Variants in FUT9 observed in about 807,000 individuals in gnomAD.
FUT9 encodes fucosyltransferase 9.
Under a neutral mutation model 29.7 loss-of-function variants are expected in FUT9, and 15 were observed. The observed-to-expected ratio is 0.51, with a 90% CI of 0.34 to 0.78. FUT9 has a LOEUF of 0.78. FUT9 is among the 30% of genes least tolerant of loss of function. The probability of loss-of-function intolerance (pLI) is 0.01; values close to 1 mark genes in which losing one functional copy is unlikely to be tolerated. For synonymous variants in FUT9, 169 were observed against 153.7 expected (o/e 1.10, Z -0.74); for missense variants, 319 against 425.4 (o/e 0.75, Z 2.20).
At chr6:96,041,687 A>G (rs1386336392) in intron 1 of FUT9, among the ~76,000 whole-genome samples, 1 of 152,216 alleles carries the variant, frequency 6.6e-6, no homozygotes, top group Non-Finnish European at 1.5e-5. Flanking sequence ...TTCCAGCTCC[A>G]AAATTCTTTG....
chr6:96,199,158 GT>G (rs1249478054), intron 2 of FUT9, among the ~76,000 whole-genome samples: 3 of 152,144 alleles, frequency 2.0e-5, no homozygotes, highest in Non-Finnish European at 4.4e-5. Context: ...TGTGCTATAT[GT>G]TTATTGCTAT....
chr6:96,180,935 G>A (rs200941940), intron 2 of FUT9, among the ~76,000 whole-genome samples: 25 of 148,324 alleles, frequency 1.7e-4, no homozygotes, highest in South Asian at 2.1e-4. Context: ...TTAAGTAAAA[G>A]AAAAAAAAAA....
chr6:96,118,032 C>T (rs1035575487), intron 2 of FUT9, among the ~76,000 whole-genome samples: 3 of 151,846 alleles, frequency 2.0e-5, no homozygotes, highest in Non-Finnish European at 4.4e-5. Context: ...ACAATGAAAA[C>T]CCATCTCTAC....
chr6:96,017,837 A>T (rs1208394333), intron 1 of FUT9, among the ~76,000 whole-genome samples: 1 of 152,146 alleles, frequency 6.6e-6, no homozygotes, highest in Non-Finnish European at 1.5e-5. Context: ...ATGCTTCATC[A>T]CCTTAAAGGA....
At chr6:96,198,083 T>C (rs1414654745) in intron 2 of FUT9, among the ~76,000 whole-genome samples, 1 of 152,092 alleles carries the variant, frequency 6.6e-6, no homozygotes, top group East Asian at 1.9e-4. Flanking sequence ...CTTCCATTCT[T>C]TAACATTCAG....
rs920246543 is a variant in FUT9, at chr6:96,121,848, A to C, written c.-9+7721A>C. 1.6e-4 allele frequency among the ~76,000 whole-genome samples: 12 copies of C among 75,358 alleles called. 1 individual carries two copies. The highest frequency in any genetic ancestry group is 4.0e-4 in the African/African-American group (12 of 30,312). 49.4% of individuals were successfully genotyped at this position (75,358 alleles called of 152,430 possible). On this transcript the variant is annotated intron_variant, in intron 2 of 2. Transcript: ENST00000302103. Reference sequence around the variant, plus strand: ...TGTGTTTGAAATATAATCTGCCTTAAAATAAATCTCTATGTTGCTAAAGGG... The same window carrying C: ...TGTGTTTGAAATATAATCTGCCTTACAATAAATCTCTATGTTGCTAAAGGG...
chr6:96,044,916 A>T (rs555051208), intron 1 of FUT9, among the ~76,000 whole-genome samples: 2 of 152,312 alleles, frequency 1.3e-5, no homozygotes, highest in African/African-American at 4.8e-5. Flanking sequence ...TGATACATAC[A>T]GCCTTATATG....
intron 1 of FUT9, among the ~76,000 whole-genome samples, chr6:96,090,295 A>AT (rs142265361): frequency 0.069 from 10,502 of 152,094 alleles, 453 homozygotes; most frequent in South Asian, 0.12. Context: ...TGTAAAGTCA[A>AT]TTGTTTATGA....
intron 2 of FUT9, among the ~76,000 whole-genome samples, chr6:96,119,075 CAG>C (rs1247615454): frequency 6.6e-6 from 1 of 151,984 alleles, no homozygotes; most frequent in East Asian, 1.9e-4. Context: ...TTACTGAAGA[CAG>C]AAAAACCTTT....
intron 2 of FUT9, among the ~76,000 whole-genome samples, chr6:96,156,118 T>C (rs1015412250): frequency 5.3e-5 from 8 of 152,208 alleles, no homozygotes; most frequent in Non-Finnish European, 1.0e-4. Flanking sequence ...TTGATGCATT[T>C]CTCTTCACCA....
At chr6:96,064,236 A>G (rs1408172100) in intron 1 of FUT9, among the ~76,000 whole-genome samples, 4 of 152,164 alleles carry the variant, frequency 2.6e-5, no homozygotes, top group African/African-American at 4.8e-5. Context: ...ATGGTATTCA[A>G]CCAATAGTCT....
In FUT9 at chr6:96,180,716, G is replaced by A. The variant is rs190601328; in HGVS notation, c.-8-22432G>A. Among the ~76,000 whole-genome samples, 154 of 152,070 alleles carry A rather than the reference G, an allele frequency of 1.0e-3. 1 individual carries two copies. Among genetic ancestry groups the A allele is most frequent in the African/African-American group, 3.3e-3 (135 of 41,518 alleles). On this transcript the variant is annotated intron_variant, in intron 2 of 2. Coordinates refer to ENST00000302103, the MANE Select transcript of FUT9 (RefSeq NM_006581.4). The stretch of plus-strand genomic sequence containing the variant: ...TTCTACATATGAATGAGAACATACA[G>A]TATTTATCTTTTGGTGCCCAACTTA...
intron 1 of FUT9, among the ~76,000 whole-genome samples, chr6:96,035,899 T>C (rs1213089276): frequency 1.0e-5 from 1 of 95,296 alleles, no homozygotes; most frequent in Non-Finnish European, 2.2e-5. Context: ...ATTATATTAA[T>C]ATAATATAAT....
At chr6:96,178,757 T>C (rs1447276220) in intron 2 of FUT9, among the ~76,000 whole-genome samples, 1 of 152,130 alleles carries the variant, frequency 6.6e-6, no homozygotes, top group East Asian at 1.9e-4. Context: ...TGAACTGTAG[T>C]ATCTAAGGGT....
At position 96,205,929 on chromosome 6, in the gene FUT9, G is replaced by A. The variant is rs1773820813; in HGVS notation, c.*1694G>A. 6.0e-6 allele frequency: 1 copy of A among 167,024 alleles called. No individual in the cohort carries two copies. Among genetic ancestry groups the A allele is most frequent in the Non-Finnish European group, 1.5e-5 (1 of 68,122 alleles). The allele number at this position is 167,024 out of a possible 1,614,324, so 10.3% of individuals were successfully genotyped here. On this transcript the variant is annotated 3_prime_UTR_variant, in exon 3 of 3. Transcript: ENST00000302103. ...ATATTCCTGTAATGAATAGAGGATT[G>A]TTTGATTCTCAGGTATATTTCTTAA...
intron 2 of FUT9, among the ~76,000 whole-genome samples, chr6:96,145,914 G>A (rs892503845): frequency 6.7e-6 from 1 of 148,838 alleles, no homozygotes; most frequent in Non-Finnish European, 1.5e-5. Context: ...CATCCAGGCT[G>A]GCATGACCAC....
At position 96,205,605 on chromosome 6, in the gene FUT9, AGG is replaced by A; in HGVS notation, c.*1371_*1372del. 6.0e-6 allele frequency: 1 copy of A among 166,944 alleles called. No homozygotes were observed. Among genetic ancestry groups the A allele is most frequent in the East Asian group, 1.9e-4 (1 of 5,180 alleles). 10.3% of individuals were successfully genotyped at this position (166,944 alleles called of 1,614,324 possible). On this transcript the variant is annotated 3_prime_UTR_variant, in exon 3 of 3. Coordinates refer to ENST00000302103, the MANE Select transcript of FUT9 (RefSeq NM_006581.4). ...ATAGCATTCTCCTCCATAAGGCTAG[AGG>A]AGAGCTGGATATAAGCAGAGATCGT... is the stretch of plus-strand genomic sequence containing the variant.
chr6:96,088,358 T>C (rs1048724775), intron 1 of FUT9, among the ~76,000 whole-genome samples: 9 of 152,128 alleles, frequency 5.9e-5, no homozygotes, highest in African/African-American at 2.2e-4. Context: ...GCTTGGAGTT[T>C]ACTGAACTTC....
intron 2 of FUT9, among the ~76,000 whole-genome samples, chr6:96,149,470 G>GTT (rs1772636934): frequency 6.6e-6 from 1 of 152,110 alleles, no homozygotes; most frequent in African/African-American, 2.4e-5. Context: ...TGAAACAAAT[G>GTT]TTTTCTCAGT....
Sources: allele counts gnomAD v4.1 joint callset (sites outside exome capture counted in the v4.1 genomes callset), GRCh38; gene constraint gnomAD v4.1.1; transcripts MANE v1.5; gene names NCBI Gene and HGNC (gene_info 2026-07-23, HGNC 2026-07-21).